Variants in CDH4 observed in about 807,000 individuals in gnomAD.
CDH4 encodes cadherin 4, also known as cadherin-4.
Under a neutral mutation model 86.0 loss-of-function variants are expected in CDH4, and 33 were observed. The observed-to-expected ratio is 0.38, with a 90% CI of 0.29 to 0.51. CDH4 has a LOEUF of 0.51. Ranked by LOEUF, CDH4 falls within the 20% of genes least tolerant of loss-of-function variation. The pLI is 0.86. For missense variants in CDH4, 1,114 were observed against 1,307.4 expected (o/e 0.85, Z 2.28); for synonymous variants, 555 against 549.4 (o/e 1.01, Z -0.14).
intron 2 of CDH4, among the ~76,000 whole-genome samples, chr20:61,648,378 A>G (rs549676156): frequency 6.6e-6 from 1 of 152,284 alleles, no homozygotes; most frequent in African/African-American, 2.4e-5. Context: ...CTCTGTGCAG[A>G]CAGGATTTCT....
At chr20:61,318,811 TG>T (rs1227066164) in intron 2 of CDH4, among the ~76,000 whole-genome samples, 1 of 152,252 alleles carries the variant, frequency 6.6e-6, no homozygotes, top group African/African-American at 2.4e-5. Flanking sequence ...AGTGGTGACT[TG>T]CCCCTTTTCC....
At chr20:61,415,178 G>A (rs987435807) in intron 2 of CDH4, among the ~76,000 whole-genome samples, 1 of 152,196 alleles carries the variant, frequency 6.6e-6, no homozygotes, top group African/African-American at 2.4e-5. Flanking sequence ...AGACGTTGGG[G>A]ACTCCCATTC....
At chr20:61,721,716 T>C (rs945200463) in intron 2 of CDH4, among the ~76,000 whole-genome samples, 1 of 152,174 alleles carries the variant, frequency 6.6e-6, no homozygotes, top group Non-Finnish European at 1.5e-5. Flanking sequence ...AAGGGGGCAT[T>C]GGTGAGGCTT....
intron 2 of CDH4, among the ~76,000 whole-genome samples, chr20:61,565,091 CTT>C (rs2086257323): frequency 1.5e-5 from 1 of 65,186 alleles, no homozygotes; most frequent in Non-Finnish European, 3.0e-5. Flanking sequence ...TGGTGGTGCT[CTT>C]GGTGGTGCTC....
At chr20:61,383,357 GGATATATATGA>G in intron 2 of CDH4, among the ~76,000 whole-genome samples, 1 of 15,884 alleles carries the variant, frequency 6.3e-5, no homozygotes, top group African/African-American at 3.5e-4. Context: ...GAATATATAT[GGATATATATGA>G]ATATATATGG....
chr20:61,298,501 G>A (rs1025519571), intron 2 of CDH4, among the ~76,000 whole-genome samples: 13 of 152,004 alleles, frequency 8.6e-5, no homozygotes, highest in South Asian at 8.3e-4. Flanking sequence ...GCCACGTCCC[G>A]TCAGGTCCTC....
intron 2 of CDH4, chr20:61,437,329 C>T (rs1475805153): frequency 6.6e-6 from 1 of 152,248 alleles, no homozygotes; most frequent in Non-Finnish European, 1.5e-5. Flanking sequence ...TTTCCTCTGG[C>T]AAGATCCCTG....
chr20:61,452,732 T>G (rs1208953154), intron 2 of CDH4, among the ~76,000 whole-genome samples: 1 of 152,242 alleles, frequency 6.6e-6, no homozygotes, highest in African/African-American at 2.4e-5. Context: ...GTGATGCATT[T>G]TTTTTTATGT....
chr20:61,415,422 C>T lies in CDH4; in HGVS notation c.169+160485C>T, dbSNP rs542744770. The stretch of plus-strand genomic sequence containing the variant: ...AACCATTTTTTATGTGTACAGTCAG[C>T]GGCATTAGGTACATTCACAGAGTCA... On this transcript the variant is annotated intron_variant, in intron 2 of 15. Transcript: ENST00000614565. 1.2e-4 allele frequency among the ~76,000 whole-genome samples: 19 copies of T among 152,252 alleles called. 1 individual carries two copies. The South Asian group carries it at 2.5e-3, about 20-fold the overall frequency.
chr20:61,635,076 T>C (rs546850593), intron 2 of CDH4, among the ~76,000 whole-genome samples: 1 of 152,326 alleles, frequency 6.6e-6, no homozygotes, highest in South Asian at 2.1e-4. Flanking sequence ...CACATTTTGG[T>C]GATGTGAACG....
intron 2 of CDH4, among the ~76,000 whole-genome samples, chr20:61,319,785 T>TA (rs11351576): frequency 0.076 from 10,819 of 142,052 alleles, 526 homozygotes; most frequent in Non-Finnish European, 0.11. Context: ...CCATCTCAAT[T>TA]AAAAAAAAAA....
At chr20:61,605,273 G>C (rs2086633872) in intron 2 of CDH4, among the ~76,000 whole-genome samples, 1 of 152,128 alleles carries the variant, frequency 6.6e-6, no homozygotes, top group Non-Finnish European at 1.5e-5. Flanking sequence ...TGTGAAGCAA[G>C]GCCCAGGGCC....
rs564564592 is a variant in CDH4 at position 61,696,420 on chromosome 20, C to T, written c.170-47143C>T. Among the ~76,000 whole-genome samples the T allele has an allele frequency of 1.7e-3, 256 of 152,310 alleles. 1 individual carries two copies. The highest frequency in any genetic ancestry group is 6.0e-3 in the African/African-American group (250 of 41,564). On this transcript the variant is annotated intron_variant, in intron 2 of 15. Transcript: ENST00000614565. Reference sequence around the variant, plus strand: ...TTGGGCTGAGGATGCTAGAGAGGGGCGGGAATGGATGTGAAAGTGTGGTCA... The same window carrying T: ...TTGGGCTGAGGATGCTAGAGAGGGGTGGGAATGGATGTGAAAGTGTGGTCA...
rs897073821 is a variant in CDH4 at position 61,321,320 on chromosome 20, C to T, written c.169+66383C>T. Among the ~76,000 whole-genome samples the T allele has an allele frequency of 7.9e-5, 12 of 151,994 alleles. No individual in the cohort carries two copies. The South Asian group carries it at 1.5e-3, about 18-fold the overall frequency. Reference sequence around the variant, plus strand: ...ACCTTAGGAGGGCAGAGGGAGGAGGCGAGGCAGGTTCTGCTAATTCCAGAG... The same window carrying T: ...ACCTTAGGAGGGCAGAGGGAGGAGGTGAGGCAGGTTCTGCTAATTCCAGAG... On this transcript the variant is annotated intron_variant, in intron 2 of 15. Transcript: ENST00000614565.
intron 2 of CDH4, among the ~76,000 whole-genome samples, chr20:61,472,656 G>C (rs997266696): frequency 1.3e-5 from 2 of 152,158 alleles, no homozygotes; most frequent in African/African-American, 4.8e-5. Flanking sequence ...CTACCTCACA[G>C]CTTGACTGTC....
chr20:61,334,138 C>T (rs1474383178), intron 2 of CDH4, among the ~76,000 whole-genome samples: 1 of 152,198 alleles, frequency 6.6e-6, no homozygotes, highest in Admixed American at 6.5e-5. Flanking sequence ...CTGGGCCACC[C>T]CCTCTGAGGG....
chr20:61,716,845 T>C (rs565238386), intron 2 of CDH4, among the ~76,000 whole-genome samples: 110 of 152,140 alleles, frequency 7.2e-4, no homozygotes, highest in Non-Finnish European at 1.4e-3. Context: ...GAGGCAGAGG[T>C]TGCAGGGAGC....
chr20:61,614,574 T>C (rs1384287553), intron 2 of CDH4, among the ~76,000 whole-genome samples: 1 of 152,060 alleles, frequency 6.6e-6, no homozygotes, highest in Non-Finnish European at 1.5e-5. Context: ...CCCTTATCTG[T>C]GGAGTCTGCG....
intron 2 of CDH4, among the ~76,000 whole-genome samples, chr20:61,537,038 A>G (rs1407761747): frequency 6.6e-6 from 1 of 152,072 alleles, no homozygotes; most frequent in African/African-American, 2.4e-5. Flanking sequence ...ACCCCCAGAA[A>G]CCACTTGGAG....
Sources: gnomAD v4.1 joint callset for allele counts (sites outside exome capture counted in the v4.1 genomes callset) on GRCh38, gnomAD v4.1.1 for gene constraint, MANE v1.5 for transcripts, NCBI Gene and HGNC (gene_info 2026-07-23, HGNC 2026-07-21) for gene names.